CIZ1: variants seen among roughly 807,000 people sequenced by gnomAD.
CIZ1 encodes the protein CDKN1A interacting zinc finger protein 1.
A neutral mutation model predicts 118.6 loss-of-function variants in CIZ1; 58 were observed. That is an observed-to-expected ratio of 0.49 (90% CI 0.40 to 0.61). CIZ1 has a LOEUF of 0.61. Ranked by LOEUF, CIZ1 falls within the 20% of genes least tolerant of loss-of-function variation. The pLI is 0.00. For synonymous variants in CIZ1, 448 were observed against 443.4 expected (o/e 1.01, Z -0.13); for missense variants, 921 against 1,115.9 (o/e 0.83, Z 2.49).
intron 11 of CIZ1, among the ~76,000 whole-genome samples, chr9:128,171,701 C>A (rs957457871): frequency 3.9e-5 from 6 of 152,040 alleles, no homozygotes; most frequent in African/African-American, 1.2e-4. Context: ...CGCGCCACTG[C>A]ACTCTAGCCT....
At chr9:128,191,971 C>A, upstream of CIZ1, 1 of 1,344,542 alleles carries the variant, frequency 7.4e-7, no homozygotes, top group Non-Finnish European at 9.7e-7. This position sits in a 1 kb window ranked among gnomAD's most constrained non-coding sequence, Gnocchi z 5.5. Context: ...GGCGAGAGGG[C>A]GGCCAAGGTC....
chr9:128,168,858 A>C, intron 14 of CIZ1, 194 bp downstream of exon 14: 1 of 792,278 alleles, frequency 1.3e-6, no homozygotes, highest in Non-Finnish European at 2.0e-6. Context: ...GGCTTTGCAT[A>C]TTTTAACTGC....
upstream of CIZ1, among the ~76,000 whole-genome samples, chr9:128,195,638 A>G (rs1012738008): frequency 1.3e-5 from 2 of 151,942 alleles, 1 homozygote; most frequent in African/African-American, 4.8e-5. Flanking sequence ...ATTCTGCTCC[A>G]GGACTTTATC....
At chr9:128,175,663 C>T (rs1184370801) in intron 11 of CIZ1, among the ~76,000 whole-genome samples, 1 of 152,216 alleles carries the variant, frequency 6.6e-6, no homozygotes, top group East Asian at 1.9e-4. Context: ...TCTGAACTAG[C>T]TGTTAACATT....
At chr9:128,188,799 A>AT (rs1421932203) in intron 3 of CIZ1, among the ~76,000 whole-genome samples, 8 of 147,900 alleles carry the variant, frequency 5.4e-5, no homozygotes, top group Admixed American at 6.7e-5. Context: ...CGCCCAGCCA[A>AT]TTTTTTTTTT....
chr9:128,185,578 C>A lies in CIZ1; in HGVS notation c.557G>T (p.Arg186Leu), dbSNP rs370523965. 3.9e-6 allele frequency: 6 copies of A among 1,527,330 alleles called. No homozygotes were observed. The South Asian group carries it at 7.8e-5, about 20-fold the overall frequency. The allele number at this position is 1,527,330 out of a possible 1,614,324, so 94.6% of individuals were successfully genotyped here. A position where few individuals can be genotyped will look rare whatever the true frequency, so the allele number is the denominator to read the frequency against. The change falls in exon 5 of 17, where the codon CGG (arginine) becomes CTG (leucine). Residue 186 changes from arginine (R) to leucine (L), a missense_variant. Arg to Leu is a moderately radical substitution (Grantham distance 102). Transcript: ENST00000372938. ...LSGRNPQKQA[R>L]TSSSTTPNRK... ...ATTGGGGGTGGTAGAGGAGGAGGTC[C>A]GGGCCTGTTTCTGGGGGTTCCGTCC...
chr9:128,171,133 T>G (rs752016046), intron 11 of CIZ1, among the ~76,000 whole-genome samples: 2 of 151,490 alleles, frequency 1.3e-5, no homozygotes, highest in Non-Finnish European at 2.9e-5. Flanking sequence ...AAATAAATAA[T>G]AAATAAATAA....
At chr9:128,200,686 A>T (rs1309239739) in intron 1 of CIZ1, among the ~76,000 whole-genome samples, 1 of 151,482 alleles carries the variant, frequency 6.6e-6, no homozygotes, top group East Asian at 1.9e-4. Flanking sequence ...AAATACAAAA[A>T]ATTAGCTGGG....
chr9:128,203,402 GCGGAGCCGGAGT>G lies in CIZ1; in HGVS notation c.-6+772_-6+783del. 1 of 1,330,268 alleles carries G rather than the reference GCGGAGCCGGAGT, an allele frequency of 7.5e-7. No individual in the cohort carries two copies. The highest frequency in any genetic ancestry group is 1.8e-5 in the South Asian group (1 of 55,822). The allele number at this position is 1,330,268 out of a possible 1,614,324, so 82.4% of individuals were successfully genotyped here. A position where few individuals can be genotyped will look rare whatever the true frequency, so the allele number is the denominator to read the frequency against. ...GCAGTCTGGGCGCGCGGCTGCAGCG[GCGGAGCCGGAGT>G]CGGAGCCGGGAGCGCTAGCGGCAGC... On this transcript the variant is annotated intron_variant, in intron 1 of 17. Transcript: ENST00000372948. The surrounding 1 kb of genome is among the most constrained non-coding windows in gnomAD (Gnocchi z 5.3).
intron 13 of CIZ1, 32 bp downstream of exon 13, chr9:128,169,373 TG>T (rs1159512259): frequency 6.4e-7 from 1 of 1,574,170 alleles, no homozygotes; most frequent in African/African-American, 1.4e-5. Context: ...TGTACCTCTC[TG>T]GGCCCATGTC....
In CIZ1 at chr9:128,203,514, G is replaced by A. The variant is rs763288862; in HGVS notation, c.-6+672C>T. On this transcript the variant is annotated intron_variant, in intron 1 of 17. Transcript: ENST00000372948. The surrounding 1 kb of genome is among the most constrained non-coding windows in gnomAD (Gnocchi z 5.3). ...GAAGATCTCATCCCGCTGGTCAACC[G>A]GCTGCAAGACGCCTTCTCTGCCATC... 3.4e-5 allele frequency: 52 copies of A among 1,540,062 alleles called. No individual in the cohort carries two copies. The Admixed American group carries it at 9.3e-4, about 28-fold the overall frequency.
intron 14 of CIZ1, 23 bp downstream of exon 14, chr9:128,169,029 C>T (rs779797697): frequency 2.5e-6 from 4 of 1,613,810 alleles, no homozygotes; most frequent in Non-Finnish European, 3.4e-6. Flanking sequence ...CCAAGCCCGC[C>T]TCCCACACCC....
At chr9:128,189,202 G>A (rs1015822764) in intron 3 of CIZ1, among the ~76,000 whole-genome samples, 7 of 152,154 alleles carry the variant, frequency 4.6e-5, no homozygotes, top group African/African-American at 1.7e-4. Flanking sequence ...CTCCCAAAGT[G>A]CTGGGATTAC....
intron 7 of CIZ1, among the ~76,000 whole-genome samples, 176 bp downstream of exon 7, chr9:128,180,239 C>T (rs1317085123): frequency 6.6e-6 from 1 of 152,182 alleles, no homozygotes; most frequent in African/African-American, 2.4e-5. Flanking sequence ...TGGCTGGGAG[C>T]TTCCCCAGGT....
At chr9:128,176,126 G>A (rs1386649590) in intron 11 of CIZ1, among the ~76,000 whole-genome samples, 2 of 152,300 alleles carry the variant, frequency 1.3e-5, no homozygotes, top group South Asian at 2.1e-4. Flanking sequence ...CCTGCCTAGA[G>A]GGAACCTTAA....
intron 12 of CIZ1, 25 bp from the exon 13 acceptor site, chr9:128,169,544 C>A (rs764064184): frequency 6.2e-7 from 1 of 1,611,950 alleles, no homozygotes; most frequent in Non-Finnish European, 8.5e-7. Flanking sequence ...GCCAACCAAG[C>A]AGTGTCCCCA....
chr9:128,177,073 A>G (rs1372163440), intron 10 of CIZ1, among the ~76,000 whole-genome samples: 1 of 152,162 alleles, frequency 6.6e-6, no homozygotes, highest in Admixed American at 6.5e-5. Flanking sequence ...TATTTTTAGT[A>G]GAGACGGGGT....
At chr9:128,189,244 GTAA>G (rs1832826987) in intron 3 of CIZ1, among the ~76,000 whole-genome samples, 1 of 152,126 alleles carries the variant, frequency 6.6e-6, no homozygotes. Flanking sequence ...GCTGAAGGGT[GTAA>G]TGTTTTAAAT....
chr9:128,179,847 C>T (rs930563523), intron 7 of CIZ1, among the ~76,000 whole-genome samples: 3 of 151,890 alleles, frequency 2.0e-5, no homozygotes, highest in Non-Finnish European at 4.4e-5. Flanking sequence ...TAATTTTGTA[C>T]TTTTAGTAGA....
Sources: allele counts gnomAD v4.1 joint callset (sites outside exome capture counted in the v4.1 genomes callset), GRCh38; gene constraint gnomAD v4.1.1; non-coding constraint Gnocchi (gnomAD v3.1); transcripts MANE v1.5; gene names NCBI Gene and HGNC (gene_info 2026-07-23, HGNC 2026-07-21).